Variants in PIEZO1 observed in about 807,000 individuals in gnomAD.
PIEZO1 encodes the protein piezo-type mechanosensitive ion channel component 1.
A neutral mutation model predicts 297.2 loss-of-function variants in PIEZO1; 296 were observed. The ratio of observed to expected loss-of-function variants is 1.00; its 90% CI spans 0.91 to 1.10. The LOEUF is 1.10. Among genes scored for constraint, PIEZO1 ranks in the 50% least tolerant of loss-of-function variants. PIEZO1 has a pLI of 0.00. For synonymous variants in PIEZO1, 2,427 were observed against 1,507.5 expected (o/e 1.61, Z -14.13); for missense variants, 5,018 against 3,455.5 (o/e 1.45, Z -11.34).
Position 88,725,539 on chromosome 16 carries a change from G to C in PIEZO1, c.4059-20C>G, listed in dbSNP as rs1904359614. The C allele has an allele frequency of 6.5e-7, 1 of 1,536,692 alleles. No homozygotes were observed. The highest frequency in any genetic ancestry group is 1.4e-5 in the African/African-American group (1 of 72,890). On this transcript the variant is annotated intron_variant, in intron 28 of 50. Transcript: ENST00000301015. The stretch of plus-strand genomic sequence containing the variant: ...TCCATCCTGTGGTGGGGAAAGGTGG[G>C]GTATGCTGAGCATTGGGGGGAGGAG...
intron 1 of PIEZO1, among the ~76,000 whole-genome samples, chr16:88,772,862 A>G (rs1907488093): frequency 6.7e-6 from 1 of 149,976 alleles, no homozygotes; most frequent in South Asian, 2.1e-4. Context: ...TCTTCATGTC[A>G]CCCCCTTGCA....
chr16:88,765,295 T>C (rs1464683029), intron 1 of PIEZO1, among the ~76,000 whole-genome samples: 1 of 152,108 alleles, frequency 6.6e-6, no homozygotes, highest in Non-Finnish European at 1.5e-5. Context: ...CACGGGCAGG[T>C]GTCTGGTCAC....
rs1365351666 is a variant in PIEZO1 at position 88,727,049 on chromosome 16, T to C, written c.3445A>G (p.Ile1149Val). 3 of 1,548,956 alleles carry C rather than the reference T, an allele frequency of 1.9e-6. No individual in the cohort carries two copies. The highest frequency in any genetic ancestry group is 2.6e-6 in the Non-Finnish European group (3 of 1,146,030). Residue 1149 changes from isoleucine (I) to valine (V), a missense_variant, in exon 24 of 51, where the codon ATC becomes GTC. Coordinates refer to ENST00000301015, the MANE Select transcript of PIEZO1 (RefSeq NM_001142864.4). ...RGEPNPVPNF[I>V]HCRSYLDMLK... is the part of the protein sequence containing the mutation. The stretch of plus-strand genomic sequence containing the variant: ...TGACGTGGAACCCACCTGCAGTGGA[T>C]AAAGTTGGGCACGGGGTTGGGCTCC...
chr16:88,757,662 G>A (rs1906741896), intron 1 of PIEZO1, among the ~76,000 whole-genome samples: 1 of 152,190 alleles, frequency 6.6e-6, no homozygotes, highest in African/African-American at 2.4e-5. Context: ...GAGGGTTGGA[G>A]TCCATGACCT....
At position 88,720,406 on chromosome 16, in the gene PIEZO1, A is replaced by G; in HGVS notation, c.5928T>C (p.Ile1976=). ...LADVVDFIII[I]FGFWAFGKHS... ...TCACCCCAAAGGCCCAGAAGCCAAA[A>G]ATGATGATGATGAAGTCGACAACAT... Residue 1976 remains isoleucine, a synonymous_variant, in exon 41 of 51, where the codon ATT becomes ATC. Transcript: ENST00000301015. The G allele has an allele frequency of 6.5e-7, 1 of 1,550,238 alleles. No homozygotes were observed. The highest frequency in any genetic ancestry group is 1.2e-5 in the South Asian group (1 of 84,032).
chr16:88,724,073 T>C (rs558055836), intron 30 of PIEZO1, 102 bp from the exon 31 acceptor site: 38 of 709,032 alleles, frequency 5.4e-5, no homozygotes, highest in East Asian at 3.8e-4. Context: ...ACCCTTCCCA[T>C]GCGGAGTAGC....
Position 88,733,385 on chromosome 16 carries a change from T to G in PIEZO1, c.2557A>C (p.Met853Leu), listed in dbSNP as rs1420378534. The change falls in exon 19 of 51, where the codon ATG (methionine) becomes CTG (leucine). Residue 853 changes from methionine (M) to leucine (L), a missense_variant. Transcript: ENST00000301015. Reference protein sequence around the residue: ...FALPYPRFRPMASCLSTVWTC... With the variant: ...FALPYPRFRPLASCLSTVWTC... ...CACACGGTGGACAGGCAGGAGGCCATGGGCCGGAAGCGTGGGTAGGGCAGG... is the reference window on the plus strand; with the variant it reads ...CACACGGTGGACAGGCAGGAGGCCAGGGGCCGGAAGCGTGGGTAGGGCAGG... 1.3e-6 allele frequency: 2 copies of G among 1,550,084 alleles called. No homozygotes were observed. Among genetic ancestry groups the G allele is most frequent in the African/African-American group, 2.7e-5 (2 of 73,138 alleles).
intron 12 of PIEZO1, 24 bp downstream of exon 12, chr16:88,736,124 C>G (rs1305217901): frequency 2.0e-6 from 3 of 1,527,216 alleles, no homozygotes; most frequent in Non-Finnish European, 2.6e-6. Context: ...CCAGGCACCC[C>G]CGGATGTGGT....
At chr16:88,749,557 C>T in intron 1 of PIEZO1, 78 bp from the exon 2 acceptor site, 1 of 1,107,050 alleles carries the variant, frequency 9.0e-7, no homozygotes, top group Non-Finnish European at 1.3e-6. Flanking sequence ...CACCCACGGC[C>T]CAGCTCGTCA....
At chr16:88,733,097 C>A in intron 19 of PIEZO1, 181 bp downstream of exon 19, 1 of 627,012 alleles carries the variant, frequency 1.6e-6, no homozygotes, top group South Asian at 2.0e-5. Flanking sequence ...GAGTGCGCCC[C>A]TGGTCCACAG....
rs959579011 is a variant in PIEZO1, at chr16:88,732,689, T to G, written c.2708A>C (p.Gln903Pro). ...STNLLPTEIS[Q>P]SLLYRGPVDP... ...CACGGGCCCCCGGTACAGCAGGGACTGGCTGATCTCCGTGGGCAGCAAGTT... is the reference window on the plus strand; with the variant it reads ...CACGGGCCCCCGGTACAGCAGGGACGGGCTGATCTCCGTGGGCAGCAAGTT... Residue 903 changes from glutamine (Q) to proline (P), a missense_variant, in exon 20 of 51, where the codon CAG becomes CCG. Transcript: ENST00000301015. 6.5e-7 allele frequency: 1 copy of G among 1,549,364 alleles called. No individual in the cohort carries two copies. Among genetic ancestry groups the G allele is most frequent in the Non-Finnish European group, 8.7e-7 (1 of 1,146,318 alleles).
chr16:88,715,725 C>T lies in PIEZO1; in HGVS notation c.7446G>A (p.Gln2482=), dbSNP rs1032366684. The change falls in exon 51 of 51, where the codon CAG becomes CAA. Residue 2482 remains glutamine, a synonymous_variant. Transcript: ENST00000301015. ...PCVDRILKLC[Q]DIFLVRETRE... ...GAGTCTCCCGCACCAGGAAGATGTC[C>T]TGGCAGAGCTTGAGGATGCGGTCCA... The T allele has an allele frequency of 6.5e-7, 1 of 1,550,362 alleles. No homozygotes were observed. The highest frequency in any genetic ancestry group is 1.4e-5 in the African/African-American group (1 of 73,070).
In PIEZO1 at chr16:88,722,574, C is replaced by A. The variant is rs758431569; in HGVS notation, c.4775+9G>T. On this transcript the variant is annotated intron_variant, in intron 35 of 50. Coordinates refer to ENST00000301015, the MANE Select transcript of PIEZO1 (RefSeq NM_001142864.4). ...CAGCAGCTGGGGCTCGGGTCACCCC[C>A]GCACCTACCTGGACACGGTGCTTGG... The A allele has an allele frequency of 1.3e-6, 2 of 1,518,716 alleles. No individual in the cohort carries two copies. The highest frequency in any genetic ancestry group is 2.4e-5 in the South Asian group (2 of 83,198). 94.1% of individuals were successfully genotyped at this position (1,518,716 alleles called of 1,614,324 possible). A position where few individuals can be genotyped will look rare whatever the true frequency, so the allele number is the denominator to read the frequency against.
intron 21 of PIEZO1, 134 bp from the exon 22 acceptor site, chr16:88,732,044 G>A (rs1904881677): frequency 7.2e-6 from 1 of 139,446 alleles, no homozygotes; most frequent in Non-Finnish European, 1.3e-5. Context: ...GACAGGGCCA[G>A]CGGCGCTGTC....
rs1315533891 is a variant in PIEZO1, at chr16:88,716,239, G to C, written c.7088C>G (p.Pro2363Arg). 7 of 1,495,662 alleles carry C rather than the reference G, an allele frequency of 4.7e-6. No homozygotes were observed. The Admixed American group carries it at 8.7e-5, about 19-fold the overall frequency. 92.6% of individuals were successfully genotyped at this position (1,495,662 alleles called of 1,614,324 possible). A position where few individuals can be genotyped will look rare whatever the true frequency, so the allele number is the denominator to read the frequency against. ...PNLFPKYIRA[P>R]NGPEANPVKQ... ...CACAGGGTTGGCTTCGGGCCCGTTG[G>C]GGGCACGGATGTACTTGGGGAAGAG... The change falls in exon 49 of 51, where the codon CCC (proline) becomes CGC (arginine). Residue 2363 changes from proline to arginine, a missense_variant. By Grantham distance (103) the Pro-to-Arg change is moderately radical (BLOSUM62 -2). Transcript: ENST00000301015.
chr16:88,727,535 G>A (rs568929642), intron 23 of PIEZO1, 22 bp downstream of exon 23: 123 of 947,698 alleles, frequency 1.3e-4, no homozygotes, highest in Middle Eastern at 2.1e-4. Context: ...CTGCAGAGGC[G>A]GGGGTGGTGG....
At chr16:88,776,651 G>A (rs534528185) in intron 1 of PIEZO1, among the ~76,000 whole-genome samples, 4 of 152,204 alleles carry the variant, frequency 2.6e-5, no homozygotes, top group African/African-American at 9.6e-5. Context: ...ACACAGGAGG[G>A]AACTGGGGGG....
chr16:88,736,786 C>G, intron 10 of PIEZO1, 47 bp from the exon 11 acceptor site: 1 of 1,257,418 alleles, frequency 8.0e-7, no homozygotes, highest in South Asian at 1.4e-5. Flanking sequence ...ATCTGCAGGC[C>G]TCCCCACCCT....
rs370477793 is a variant in PIEZO1, at chr16:88,717,224, G to A, written c.6472-13C>T. The A allele has an allele frequency of 6.2e-5, 96 of 1,545,346 alleles. No homozygotes were observed. The African/African-American group carries it at 8.9e-4, about 14-fold the overall frequency. On this transcript the variant is annotated splice_polypyrimidine_tract_variant and intron_variant, in intron 44 of 50. Transcript: ENST00000301015. ...GCTGCGGGTATTTCTGGAGGGGAAC[G>A]ACACAGGTCATACGCTCAGCTCTGC...
Sources: gnomAD v4.1 joint callset for allele counts (sites outside exome capture counted in the v4.1 genomes callset) on GRCh38, gnomAD v4.1.1 for gene constraint, MANE v1.5 for transcripts, NCBI Gene and HGNC (gene_info 2026-07-23, HGNC 2026-07-21) for gene names.